SGCZ: variants seen among roughly 807,000 people sequenced by gnomAD.
The protein encoded by SGCZ is zeta-sarcoglycan.
In SGCZ, 40 loss-of-function variants were observed where a neutral mutation model predicts 41.3. The observed-to-expected ratio is 0.97, with a 90% CI of 0.75 to 1.26. The LOEUF is 1.26. Among genes scored for constraint, SGCZ ranks in the 50% most tolerant of loss-of-function variants. The pLI is 0.00. For missense variants in SGCZ, 552 were observed against 369.8 expected, an observed-to-expected ratio of 1.49 and a Z score of -4.04; for synonymous variants, 206 against 137.5, an observed-to-expected ratio of 1.50 and a Z score of -3.49.
chr8:14,218,388 T>C (rs1030714058), intron 4 of SGCZ, among the ~76,000 whole-genome samples: 1 of 152,214 alleles, frequency 6.6e-6, no homozygotes, highest in Non-Finnish European at 1.5e-5. Flanking sequence ...TCATGTTCTT[T>C]TTCAGAAAGT....
chr8:14,489,497 G>A (rs781474776), intron 2 of SGCZ, among the ~76,000 whole-genome samples: 9 of 151,968 alleles, frequency 5.9e-5, no homozygotes, highest in Non-Finnish European at 1.3e-4. Flanking sequence ...ATGTGTGAGT[G>A]CATGTGCCTG....
chr8:14,285,211 A>G (rs961790675), intron 3 of SGCZ, among the ~76,000 whole-genome samples: 67 of 152,138 alleles, frequency 4.4e-4, no homozygotes, highest in African/African-American at 1.5e-3. Flanking sequence ...CACATAAAAT[A>G]TATGTGTCAT....
At chr8:14,141,711 G>A (rs1803375567) in intron 5 of SGCZ, among the ~76,000 whole-genome samples, 1 of 152,216 alleles carries the variant, frequency 6.6e-6, no homozygotes, top group South Asian at 2.1e-4. Flanking sequence ...CTTTTCCACT[G>A]TTGATGGGAG....
chr8:15,029,068 C>CA (rs1448646718), intron 1 of SGCZ, among the ~76,000 whole-genome samples: 2 of 152,038 alleles, frequency 1.3e-5, no homozygotes, highest in African/African-American at 4.8e-5. Context: ...TTGGGAGACT[C>CA]AAAGATTAGC....
At chr8:14,453,615 C>A (rs868618473) in intron 2 of SGCZ, among the ~76,000 whole-genome samples, 2 of 152,168 alleles carry the variant, frequency 1.3e-5, no homozygotes, top group African/African-American at 4.8e-5. Context: ...AAGAAAGAAT[C>A]TTAGGAGGGA....
chr8:14,747,705 TTG>T (rs59524830), intron 1 of SGCZ, among the ~76,000 whole-genome samples: 26,700 of 136,372 alleles, frequency 0.2, 3,031 homozygotes, highest in South Asian at 0.29. Flanking sequence ...GTGTGTGTAT[TTG>T]TGTGTGTGTG....
chr8:14,103,406 C>T (rs908335338), intron 6 of SGCZ, among the ~76,000 whole-genome samples: 1 of 152,142 alleles, frequency 6.6e-6, no homozygotes, highest in African/African-American at 2.4e-5. Context: ...CCTGTGATCG[C>T]CCTACCACAG....
intron 2 of SGCZ, among the ~76,000 whole-genome samples, chr8:14,420,879 A>G (rs117836423): frequency 6.6e-6 from 1 of 152,112 alleles, no homozygotes; most frequent in African/African-American, 2.4e-5. Context: ...TACTTGCTTT[A>G]TATTTGTATG....
chr8:14,814,676 A>G (rs2130548155), intron 1 of SGCZ, among the ~76,000 whole-genome samples: 1 of 152,300 alleles, frequency 6.6e-6, no homozygotes, highest in South Asian at 2.1e-4. Flanking sequence ...CCAGCTCGGC[A>G]GGTAGGAACT....
At chr8:14,142,326 A>T (rs557092739) in intron 5 of SGCZ, among the ~76,000 whole-genome samples, 10 of 152,146 alleles carry the variant, frequency 6.6e-5, no homozygotes, top group South Asian at 6.2e-4. Context: ...TAAAAATTTA[A>T]AAAAAAAGAA....
intron 2 of SGCZ, among the ~76,000 whole-genome samples, chr8:14,458,798 C>T (rs1210022322): frequency 6.6e-6 from 1 of 152,070 alleles, no homozygotes; most frequent in Non-Finnish European, 1.5e-5. Context: ...ATGAGGACAC[C>T]AAACACAGAG....
At chr8:15,143,508 T>G in intron 1 of SGCZ, among the ~76,000 whole-genome samples, 1 of 152,250 alleles carries the variant, frequency 6.6e-6, no homozygotes, top group African/African-American at 2.4e-5. Context: ...CAAAGTGTTT[T>G]GAAAATAGCC....
intron 5 of SGCZ, among the ~76,000 whole-genome samples, chr8:14,120,593 T>A (rs951244507): frequency 3.3e-5 from 5 of 152,018 alleles, no homozygotes; most frequent in African/African-American, 1.2e-4. Context: ...TATATTGTTT[T>A]GAGGAAAAAA....
At chr8:14,800,147 T>C (rs1485952863) in intron 1 of SGCZ, among the ~76,000 whole-genome samples, 3 of 112,566 alleles carry the variant, frequency 2.7e-5, no homozygotes, top group Non-Finnish European at 5.7e-5. Flanking sequence ...TTAAGTTGTA[T>C]ATTTTGCCTC....
At chr8:14,516,654 C>A (rs1802630326) in intron 2 of SGCZ, among the ~76,000 whole-genome samples, 1 of 151,942 alleles carries the variant, frequency 6.6e-6, no homozygotes, top group African/African-American at 2.4e-5. Context: ...TAAAAAGCAT[C>A]CCATAAAGTT....
chr8:14,361,259 A>G (rs953412557), intron 2 of SGCZ, among the ~76,000 whole-genome samples: 6 of 152,170 alleles, frequency 3.9e-5, no homozygotes, highest in Non-Finnish European at 8.8e-5. Flanking sequence ...GTTCTCCTGG[A>G]TAATATCCTG....
At chr8:14,568,537 G>T (rs780091366) in intron 1 of SGCZ, among the ~76,000 whole-genome samples, 2 of 149,332 alleles carry the variant, frequency 1.3e-5, no homozygotes, top group Admixed American at 1.3e-4. Context: ...GTTGCTTTAT[G>T]ATTTTTTTTG....
intron 1 of SGCZ, among the ~76,000 whole-genome samples, chr8:14,826,422 C>T (rs7836223): frequency 6.6e-6 from 1 of 151,812 alleles, no homozygotes; most frequent in Non-Finnish European, 1.5e-5. Context: ...GTAGCAGCAT[C>T]ATTTATAATC....
chr8:14,959,625 C>T (rs1800900994), intron 1 of SGCZ, among the ~76,000 whole-genome samples: 1 of 152,236 alleles, frequency 6.6e-6, no homozygotes, highest in African/African-American at 2.4e-5. Flanking sequence ...GCAGAAAGCA[C>T]TGTCATTGAA....
Sources: gnomAD v4.1 joint callset for allele counts (sites outside exome capture counted in the v4.1 genomes callset) on GRCh38, gnomAD v4.1.1 for gene constraint, MANE v1.5 for transcripts, NCBI Gene and HGNC (gene_info 2026-07-23, HGNC 2026-07-21) for gene names.